QTGAL: variants seen among roughly 807,000 people sequenced by gnomAD.
QTGAL encodes queuosine-tRNA galactosyltransferase.
the QTGAL span, among the ~76,000 whole-genome samples, chr17:83,020,530 G>GGCCACA: frequency 1.3e-5 from 2 of 152,340 alleles, no homozygotes; most frequent in Non-Finnish European, 2.9e-5. Context: ...ACCAAAGACC[G>GGCCACA]AGGTCTGGAG....
At chr17:82,986,109 G>A in the QTGAL span, among the ~76,000 whole-genome samples, 2 of 152,228 alleles carry the variant, frequency 1.3e-5, no homozygotes, top group African/African-American at 2.4e-5. Flanking sequence ...CCCTTTCAAC[G>A]TGGGGGACCC....
the QTGAL span, among the ~76,000 whole-genome samples, chr17:83,007,721 T>A: frequency 6.6e-6 from 1 of 152,094 alleles, no homozygotes; most frequent in South Asian, 2.1e-4. Context: ...GCTTCATGCT[T>A]CCCTGGAAAG....
chr17:82,998,156 G>A, the QTGAL span, among the ~76,000 whole-genome samples: 2 of 151,862 alleles, frequency 1.3e-5, no homozygotes, highest in African/African-American at 4.8e-5. Flanking sequence ...TTGAGGTGAA[G>A]TGACGGATAC....
the QTGAL span, among the ~76,000 whole-genome samples, chr17:82,964,467 T>G: frequency 6.6e-6 from 1 of 152,088 alleles, no homozygotes; most frequent in Non-Finnish European, 1.5e-5. Context: ...CAAAAAACAA[T>G]AGACATAGCT....
chr17:83,019,975 C>T, the QTGAL span, among the ~76,000 whole-genome samples: 1 of 152,174 alleles, frequency 6.6e-6, no homozygotes, highest in Non-Finnish European at 1.5e-5. Flanking sequence ...CTTAGGTGAT[C>T]CACCCGCCTT....
chr17:83,051,759 C>T, the QTGAL span: 1 of 1,497,864 alleles, frequency 6.7e-7, no homozygotes, highest in Non-Finnish European at 8.8e-7. Context: ...CATGGCCTGG[C>T]TCTCCTCGGA....
At chr17:82,989,261 T>C in the QTGAL span, among the ~76,000 whole-genome samples, 66 of 151,706 alleles carry the variant, frequency 4.4e-4, no homozygotes, top group Non-Finnish European at 6.2e-4. Flanking sequence ...ACCCAAACAC[T>C]GCATGTTCTC....
chr17:83,038,279 T>G, the QTGAL span, among the ~76,000 whole-genome samples: 1 of 152,194 alleles, frequency 6.6e-6, no homozygotes, highest in East Asian at 1.9e-4. Flanking sequence ...CCACGAGGTC[T>G]CCTTACCCAC....
chr17:82,943,159 TC>T, the QTGAL span: 1 of 152,452 alleles, frequency 6.6e-6, no homozygotes, highest in Non-Finnish European at 1.5e-5. Context: ...TACAGTAATG[TC>T]GGAAATAAAT....
chr17:83,006,634 T>G, the QTGAL span: 20 of 985,418 alleles, frequency 2.0e-5, no homozygotes, highest in South Asian at 8.5e-4. This position sits in a 1 kb window ranked among gnomAD's most constrained non-coding sequence, Gnocchi z 5.8. Context: ...GCCGTGGCTG[T>G]GCTATCCCGA....
chr17:83,048,096 G>A, the QTGAL span, among the ~76,000 whole-genome samples: 8 of 151,744 alleles, frequency 5.3e-5, no homozygotes, highest in South Asian at 8.3e-4. Flanking sequence ...GCACGATCTC[G>A]GTTCACTGCA....
chr17:82,956,665 C>G, the QTGAL span: 5 of 1,527,808 alleles, frequency 3.3e-6, no homozygotes, highest in African/African-American at 6.9e-5. The surrounding 1 kb of genome is among the most constrained non-coding windows in gnomAD (Gnocchi z 5.7). Flanking sequence ...GATCCCCAAG[C>G]CCTTCCACGG....
chr17:83,031,051 T>G, the QTGAL span: 1 of 152,246 alleles, frequency 6.6e-6, no homozygotes. Context: ...CCCAAATCAT[T>G]ATAATGAATG....
chr17:83,027,433 A>C, the QTGAL span, among the ~76,000 whole-genome samples: 1 of 152,254 alleles, frequency 6.6e-6, no homozygotes, highest in African/African-American at 2.4e-5. Context: ...AGAAAAACAC[A>C]ACTTCTCCTT....
the QTGAL span, among the ~76,000 whole-genome samples, chr17:83,033,494 C>T: frequency 1.0e-4 from 15 of 144,132 alleles, no homozygotes; most frequent in African/African-American, 4.1e-4. Context: ...TTTTTTGAGA[C>T]AGAGTCCCGC....
At chr17:83,013,917 G>C in the QTGAL span, among the ~76,000 whole-genome samples, 1 of 152,156 alleles carries the variant, frequency 6.6e-6, no homozygotes, top group Non-Finnish European at 1.5e-5. Flanking sequence ...TGAGACACCA[G>C]CTCCAGGGAT....
chr17:83,027,155 G>C, the QTGAL span, among the ~76,000 whole-genome samples: 1 of 149,214 alleles, frequency 6.7e-6, no homozygotes, highest in Middle Eastern at 3.3e-3. Flanking sequence ...CACGGAGGGG[G>C]GCAGGGAGCC....
At chr17:82,951,014 T>G in the QTGAL span, among the ~76,000 whole-genome samples, 2 of 152,344 alleles carry the variant, frequency 1.3e-5, no homozygotes, top group South Asian at 4.1e-4. Context: ...GTTGCAATTT[T>G]TCGAATTTTT....
At chr17:83,017,993 T>A in the QTGAL span, among the ~76,000 whole-genome samples, 2 of 140,376 alleles carry the variant, frequency 1.4e-5, no homozygotes, top group Non-Finnish European at 3.1e-5. Flanking sequence ...GTACCACACG[T>A]GCTCCGTGAA....
Sources: allele counts gnomAD v4.1 joint callset (sites outside exome capture counted in the v4.1 genomes callset), GRCh38; gene constraint gnomAD v4.1.1; non-coding constraint Gnocchi (gnomAD v3.1); transcripts MANE v1.5; gene names NCBI Gene and HGNC (gene_info 2026-07-23, HGNC 2026-07-21).